AGO2: variants seen among roughly 807,000 people sequenced by gnomAD.
The protein encoded by AGO2 is argonaute RISC catalytic component 2.
In AGO2, 5 loss-of-function variants were observed where a neutral mutation model predicts 102.3. The observed-to-expected ratio is 0.05, with a 90% CI of 0.03 to 0.10. The LOEUF (loss-of-function observed/expected upper bound fraction) is 0.10. Among genes scored for constraint, AGO2 ranks in the 10% least tolerant of loss-of-function variants. AGO2 has a pLI of 1.00. For missense variants in AGO2, 541 were observed against 1,183.7 expected, an observed-to-expected ratio of 0.46 and a Z score of 7.97; for synonymous variants, 449 against 473.1, an observed-to-expected ratio of 0.95 and a Z score of 0.66.
At chr8:140,550,648 G>C (rs1040340661) in intron 11 of AGO2, among the ~76,000 whole-genome samples, 1 of 152,078 alleles carries the variant, frequency 6.6e-6, no homozygotes, top group African/African-American at 2.4e-5. Context: ...ATGGGGTCTT[G>C]CTTTTTCACC....
At chr8:140,612,639 G>A (rs909699817) in intron 1 of AGO2, among the ~76,000 whole-genome samples, 8 of 151,798 alleles carry the variant, frequency 5.3e-5, no homozygotes, top group African/African-American at 1.9e-4. Flanking sequence ...TGTAATCCCA[G>A]CTACTCGGAG....
intron 13 of AGO2, among the ~76,000 whole-genome samples, chr8:140,545,870 GCCCCAGCTCA>G (rs369316483): frequency 2.8e-4 from 42 of 152,306 alleles, no homozygotes; most frequent in African/African-American, 8.7e-4. Context: ...GCCTCCGACG[GCCCCAGCTCA>G]CCCCAGCTCA....
At chr8:140,565,326 C>A (rs1479242138) in intron 3 of AGO2, among the ~76,000 whole-genome samples, 1 of 151,026 alleles carries the variant, frequency 6.6e-6, no homozygotes, top group African/African-American at 2.4e-5. Flanking sequence ...GTAGTCCCAG[C>A]TACTGGGGAG....
intron 10 of AGO2, among the ~76,000 whole-genome samples, chr8:140,552,137 G>A (rs1372589943): frequency 3.3e-5 from 5 of 152,230 alleles, no homozygotes; most frequent in Admixed American, 3.3e-4. Context: ...TCTATACAGA[G>A]CTTTCCCTCA....
intron 16 of AGO2, 51 bp from the exon 17 acceptor site, chr8:140,535,620 A>T (rs760347288): frequency 6.3e-7 from 1 of 1,596,452 alleles, no homozygotes. Flanking sequence ...CGGCAGAGCC[A>T]AGCAGGCGGG....
At chr8:140,601,318 T>C (rs2073930282) in intron 1 of AGO2, among the ~76,000 whole-genome samples, 2 of 152,246 alleles carry the variant, frequency 1.3e-5, no homozygotes, top group Admixed American at 6.5e-5. Flanking sequence ...TAGAGACTGC[T>C]GACTGGCTTG....
intron 1 of AGO2, chr8:140,591,577 C>A (rs928995537): frequency 6.6e-6 from 1 of 152,246 alleles, no homozygotes; most frequent in Non-Finnish European, 1.5e-5. Flanking sequence ...TGACTATAAA[C>A]AAACACCTAA....
chr8:140,617,027 C>G (rs922698684), intron 1 of AGO2, among the ~76,000 whole-genome samples: 1 of 4,924 alleles, frequency 2.0e-4, no homozygotes, highest in Non-Finnish European at 4.8e-4. Flanking sequence ...GATGCTGGAT[C>G]GGAGATGCAG....
rs1443600508 is a variant in AGO2 at position 140,539,268 on chromosome 8, T to C, written c.2169+52A>G. ...TTCTCTTGTGAGTGTGCTCGGGGTG[T>C]GGGGCTGAGGGGAGAACCGTGCCCC... On this transcript the variant is annotated intron_variant, in intron 16 of 18. Transcript: ENST00000220592. The surrounding 1 kb of genome is among the most constrained non-coding windows in gnomAD (Gnocchi z 4.7). The C allele has an allele frequency of 1.9e-6, 3 of 1,553,042 alleles. No homozygotes were observed. The highest frequency in any genetic ancestry group is 2.6e-6 in the Non-Finnish European group (3 of 1,147,618).
At chr8:140,544,997 C>A (rs971499002) in intron 13 of AGO2, among the ~76,000 whole-genome samples, 2 of 152,186 alleles carry the variant, frequency 1.3e-5, no homozygotes, top group East Asian at 3.9e-4. Flanking sequence ...CCGCACACCC[C>A]ACCCAGCCTT....
intron 4 of AGO2, among the ~76,000 whole-genome samples, chr8:140,561,576 G>C (rs2073203011): frequency 6.6e-6 from 1 of 152,156 alleles, no homozygotes; most frequent in African/African-American, 2.4e-5. Context: ...GATTACACGT[G>C]GGGGAAGGTG....
intron 1 of AGO2, among the ~76,000 whole-genome samples, chr8:140,610,701 G>A (rs1040501575): frequency 7.9e-5 from 12 of 152,176 alleles, no homozygotes; most frequent in Admixed American, 2.6e-4. Context: ...TCCTGAAGGC[G>A]ACAGGCCCCT....
intron 1 of AGO2, among the ~76,000 whole-genome samples, chr8:140,603,155 C>T (rs567562024): frequency 4.6e-5 from 7 of 152,204 alleles, no homozygotes; most frequent in African/African-American, 1.4e-4. Context: ...CAGGCCCCCA[C>T]GGCGGCGTGG....
At chr8:140,607,023 G>A (rs532244646) in intron 1 of AGO2, among the ~76,000 whole-genome samples, 5 of 151,906 alleles carry the variant, frequency 3.3e-5, no homozygotes, top group South Asian at 2.1e-4. Context: ...GCCGAGGTGG[G>A]TGGATCACCT....
chr8:140,614,510 A>G (rs887006496), intron 1 of AGO2, among the ~76,000 whole-genome samples: 2 of 152,266 alleles, frequency 1.3e-5, no homozygotes. Context: ...AGGTCCCCTA[A>G]AAGTCCTGCA....
intron 1 of AGO2, among the ~76,000 whole-genome samples, chr8:140,609,586 A>C (rs2074049424): frequency 6.6e-6 from 1 of 152,086 alleles, no homozygotes; most frequent in Non-Finnish European, 1.5e-5. Flanking sequence ...GGCCTCCCTA[A>C]CACCCCAACT....
intron 1 of AGO2, among the ~76,000 whole-genome samples, chr8:140,634,439 G>A (rs2074377474): frequency 1.3e-5 from 2 of 152,238 alleles, no homozygotes; most frequent in East Asian, 1.9e-4. Context: ...CCCGGCTGGG[G>A]CCCAGCGGAC....
chr8:140,629,401 G>T (rs2074314525), intron 1 of AGO2, among the ~76,000 whole-genome samples: 1 of 120,290 alleles, frequency 8.3e-6, no homozygotes, highest in South Asian at 2.7e-4. Context: ...CTGTATGGGG[G>T]AAGTAAGGTT....
At chr8:140,547,804 C>T (rs973046773) in intron 12 of AGO2, among the ~76,000 whole-genome samples, 177 bp from the exon 13 acceptor site, 2 of 152,230 alleles carry the variant, frequency 1.3e-5, no homozygotes, top group African/African-American at 4.8e-5. Flanking sequence ...GGTCCCTGGT[C>T]CCGAGGGGGA....
Sources: allele counts gnomAD v4.1 joint callset (sites outside exome capture counted in the v4.1 genomes callset), GRCh38; gene constraint gnomAD v4.1.1; non-coding constraint Gnocchi (gnomAD v3.1); transcripts MANE v1.5; gene names NCBI Gene and HGNC (gene_info 2026-07-23, HGNC 2026-07-21).